The following SHPRH variants were observed in gnomAD, a reference collection of about 807,000 sequenced individuals.
SHPRH encodes the protein SNF2 histone linker PHD RING helicase.
A neutral mutation model predicts 202.5 loss-of-function variants in SHPRH; 106 were observed. That is an observed-to-expected ratio of 0.52 (90% confidence interval 0.45 to 0.62). SHPRH has a LOEUF of 0.62. Ranked by LOEUF, SHPRH falls within the 20% of genes least tolerant of loss-of-function variation. SHPRH has a pLI of 0.00. For missense variants in SHPRH, 1,710 were observed against 2,020.0 expected (o/e 0.85, Z 2.94); for synonymous variants, 729 against 686.0 (o/e 1.06, Z -0.98).
At chr6:145,953,066 A>C (rs1788146717) in intron 2 of SHPRH, among the ~76,000 whole-genome samples, 1 of 152,116 alleles carries the variant, frequency 6.6e-6, no homozygotes, top group Non-Finnish European at 1.5e-5. Context: ...TTTTGACCTA[A>C]GTGTTCTCAT....
chr6:145,944,573 T>C (rs1421817648), intron 8 of SHPRH, among the ~76,000 whole-genome samples: 3 of 151,956 alleles, frequency 2.0e-5, no homozygotes, highest in Admixed American at 6.6e-5. Flanking sequence ...GTTTTGGTGG[T>C]AGCAGGATTA....
At chr6:145,929,862 G>C (rs1396834333) in intron 14 of SHPRH, among the ~76,000 whole-genome samples, 1 of 152,038 alleles carries the variant, frequency 6.6e-6, no homozygotes, top group Non-Finnish European at 1.5e-5. Context: ...AAAGTGGTAA[G>C]AATCTGAGGT....
At chr6:145,910,997 T>C (rs1197329263) in intron 24 of SHPRH, among the ~76,000 whole-genome samples, 3 of 152,174 alleles carry the variant, frequency 2.0e-5, no homozygotes, top group Non-Finnish European at 4.4e-5. Flanking sequence ...ATATGTTCCA[T>C]TTAATTTAAA....
intron 3 of SHPRH, among the ~76,000 whole-genome samples, chr6:145,951,059 G>C (rs1400874574): frequency 6.6e-6 from 1 of 152,060 alleles, no homozygotes; most frequent in East Asian, 1.9e-4. Flanking sequence ...AAAAGGATAG[G>C]CATTTGGTAG....
intron 2 of SHPRH, among the ~76,000 whole-genome samples, chr6:145,873,350 A>G (rs1016457674): frequency 6.6e-6 from 1 of 152,168 alleles, no homozygotes; most frequent in Non-Finnish European, 1.5e-5. Context: ...ATGACTCTAG[A>G]GTTTTTGCCT....
intron 2 of SHPRH, among the ~76,000 whole-genome samples, chr6:145,876,295 G>A (rs985861138): frequency 3.9e-5 from 6 of 152,074 alleles, no homozygotes; most frequent in African/African-American, 1.2e-4. Flanking sequence ...GATCATTTAA[G>A]CCCAGGAGTT....
intron 2 of SHPRH, chr6:145,877,744 T>C (rs1034822706): frequency 1.3e-5 from 2 of 152,226 alleles, no homozygotes; most frequent in African/African-American, 4.8e-5. Context: ...GAGATTCTTC[T>C]GAACAATAAA....
chr6:145,893,467 A>T, intron 27 of SHPRH, 74 bp from the exon 28 acceptor site: 1 of 1,333,130 alleles, frequency 7.5e-7, no homozygotes. Flanking sequence ...GCTCACTTTA[A>T]AGATGTCTAA....
chr6:145,946,348 C>A lies in SHPRH; in HGVS notation c.1213-7G>T. 6.3e-7 allele frequency: 1 copy of A among 1,593,362 alleles called. No homozygotes were observed. Among genetic ancestry groups the A allele is most frequent in the East Asian group, 2.3e-5 (1 of 44,234 alleles). ...AATAATTCACCACTTTTCCCTGATA[C>A]AAACAACAGTCAGTAGTTACACAGT... On this transcript the variant is annotated splice_region_variant and splice_polypyrimidine_tract_variant and intron_variant, in intron 6 of 29. Coordinates refer to ENST00000275233, the MANE Select transcript of SHPRH (RefSeq NM_001042683.3).
chr6:145,878,877 A>G (rs1780426793), intron 2 of SHPRH, among the ~76,000 whole-genome samples: 1 of 152,246 alleles, frequency 6.6e-6, no homozygotes, highest in East Asian at 1.9e-4. Context: ...ATTAGGCAGT[A>G]TTAAATAAAA....
At chr6:145,920,336 A>T (rs9376970) in intron 21 of SHPRH, among the ~76,000 whole-genome samples, 11 of 152,004 alleles carry the variant, frequency 7.2e-5, no homozygotes, top group East Asian at 1.9e-4. Flanking sequence ...GAACATCATA[A>T]GTAACACTTC....
intron 14 of SHPRH, 86 bp from the exon 15 acceptor site, chr6:145,927,363 T>C: frequency 8.5e-7 from 1 of 1,173,102 alleles, no homozygotes; most frequent in Non-Finnish European, 1.2e-6. Context: ...TTAAGAATAC[T>C]GTAAAAATAA....
At chr6:145,901,502 T>G (rs1782503424) in intron 25 of SHPRH, among the ~76,000 whole-genome samples, 1 of 151,992 alleles carries the variant, frequency 6.6e-6, no homozygotes, top group Admixed American at 6.6e-5. Flanking sequence ...AGCAAAAAAG[T>G]AACAAAAGGA....
Position 145,963,918 on chromosome 6 carries a change from C to T in SHPRH, c.-220G>A, listed in dbSNP as rs902334252. On this transcript the variant is annotated 5_prime_UTR_variant, in exon 1 of 30. Coordinates refer to ENST00000275233, the MANE Select transcript of SHPRH (RefSeq NM_001042683.3). ...GCAGGCCCCAGTGCATGAGGAGAAGCACAGCCTCCTTTCCCACGACCCCAC... is the reference window on the plus strand; with the variant it reads ...GCAGGCCCCAGTGCATGAGGAGAAGTACAGCCTCCTTTCCCACGACCCCAC... 6.6e-6 allele frequency: 1 copy of T among 152,326 alleles called. No homozygotes were observed. 9.4% of individuals were successfully genotyped at this position (152,326 alleles called of 1,614,324 possible).
In SHPRH at chr6:145,955,208, C is replaced by T. The variant is rs760702899; in HGVS notation, c.115G>A (p.Asp39Asn). ...GAACCTGGGCAGGGCTGCTCGTCATCATCACTTATGATGATAGGTTCATTC... is the reference window on the plus strand; with the variant it reads ...GAACCTGGGCAGGGCTGCTCGTCATTATCACTTATGATGATAGGTTCATTC... ...RRNEPIIISD[D>N]DEQPCPGSDT... The change falls in exon 2 of 30, where the codon GAT becomes AAT. Residue 39 changes from aspartate to asparagine, a missense_variant. Transcript: ENST00000275233. 8.7e-6 allele frequency: 14 copies of T among 1,613,618 alleles called. No homozygotes were observed. In the South Asian group the frequency reaches 1.5e-4, roughly 18 times the overall value.
At chr6:145,923,834 C>T in intron 17 of SHPRH, 49 bp from the exon 18 acceptor site, 1 of 1,572,780 alleles carries the variant, frequency 6.4e-7, no homozygotes, top group South Asian at 1.2e-5. Flanking sequence ...TTTTAGTACT[C>T]ACTAAGCTTC....
At chr6:145,897,339 A>G (rs1782103545) in intron 25 of SHPRH, among the ~76,000 whole-genome samples, 1 of 152,102 alleles carries the variant, frequency 6.6e-6, no homozygotes, top group African/African-American at 2.4e-5. Context: ...CTGAATCACA[A>G]AGAAACAGAA....
rs1240731881 is a variant in SHPRH, at chr6:145,886,772, T to G, written c.4971A>C (p.Ser1657=). The change falls in exon 30 of 30, where the codon TCA becomes TCC. Residue 1657 remains serine (S), a synonymous_variant. Transcript: ENST00000275233. ...AGACAGAGGCCTCTGAATGCTTTGC[T>G]GATGAGTTCGTGTGACTGCAAGGTT... ...KTAERSHTNS[S]AKHSEASVLT... is the part of the protein sequence containing the mutation. 9 of 1,613,508 alleles carry G rather than the reference T, an allele frequency of 5.6e-6. No individual in the cohort carries two copies. The highest frequency in any genetic ancestry group is 7.6e-6 in the Non-Finnish European group (9 of 1,179,708).
intron 23 of SHPRH, among the ~76,000 whole-genome samples, chr6:145,914,975 A>G (rs898952000): frequency 6.6e-6 from 1 of 151,846 alleles, no homozygotes; most frequent in Non-Finnish European, 1.5e-5. Context: ...TTTGTTCATT[A>G]GTGTTCAAAT....
Sources: gnomAD v4.1 joint callset for allele counts (sites outside exome capture counted in the v4.1 genomes callset) on GRCh38, gnomAD v4.1.1 for gene constraint, MANE v1.5 for transcripts, NCBI Gene and HGNC (gene_info 2026-07-23, HGNC 2026-07-21) for gene names.